BHMT: variants seen among roughly 807,000 people sequenced by gnomAD.
BHMT encodes betaine--homocysteine S-methyltransferase.
Under a neutral mutation model 49.5 loss-of-function variants are expected in BHMT, and 38 were observed. The ratio of observed to expected loss-of-function variants is 0.77; its 90% CI spans 0.59 to 1.01. The LOEUF (loss-of-function observed/expected upper bound fraction) is 1.01, where lower values mean the gene tolerates loss of function less well. Ranked by LOEUF, BHMT falls within the 50% of genes least tolerant of loss-of-function variation. The pLI, the probability that BHMT is intolerant of heterozygous loss-of-function variation, is 0.00. For missense variants in BHMT, 426 were observed against 495.7 expected, an observed-to-expected ratio of 0.86 and a Z score of 1.34; for synonymous variants, 166 against 176.3, an observed-to-expected ratio of 0.94 and a Z score of 0.46.
intron 5 of BHMT, among the ~76,000 whole-genome samples, chr5:79,124,586 C>T (rs867898033): frequency 7.2e-5 from 11 of 152,044 alleles, no homozygotes; most frequent in African/African-American, 2.4e-4. Context: ...CTTCCAAAAT[C>T]ATGTCTAGTG....
At chr5:79,122,133 G>A (rs57444763) in intron 5 of BHMT, among the ~76,000 whole-genome samples, 50,617 of 151,580 alleles carry the variant, frequency 0.33, 8,772 homozygotes, top group East Asian at 0.42. Flanking sequence ...TAGTAGAGAC[G>A]GGGTTTCACT....
intron 5 of BHMT, 148 bp downstream of exon 5, chr5:79,121,513 A>C (rs1580271687): frequency 8.0e-7 from 1 of 1,243,936 alleles, no homozygotes; most frequent in African/African-American, 1.5e-5. Context: ...ATTGAATCCC[A>C]GAGGAAAAGT....
intron 1 of BHMT, among the ~76,000 whole-genome samples, chr5:79,113,816 GATC>G (rs1756344193): frequency 6.6e-6 from 1 of 152,040 alleles, no homozygotes; most frequent in African/African-American, 2.4e-5. Context: ...GAATGTAAGA[GATC>G]ATATTTCCAG....
At chr5:79,123,815 G>A (rs1488696673) in intron 5 of BHMT, among the ~76,000 whole-genome samples, 1 of 152,102 alleles carries the variant, frequency 6.6e-6, no homozygotes, top group Non-Finnish European at 1.5e-5. Context: ...GCCTCGCAAA[G>A]TGCTAAGATT....
chr5:79,126,054 A>G lies in BHMT; in HGVS notation c.634A>G (p.Ile212Val). ...AVRLVKAGAS[I>V]IGVNCHFDPT... The stretch of plus-strand genomic sequence containing the variant: ...GTTCTTCCCACTCACAGGAGCATCC[A>G]TCATTGGTGTGAACTGCCACTTTGA... Residue 212 changes from isoleucine (I) to valine (V), a missense_variant, in exon 6 of 8, where the codon ATC becomes GTC. Ile to Val is a conservative substitution (Grantham distance 29, BLOSUM62 3). Around this residue, in one of 3 missense-constraint regions of BHMT, gnomAD observed 321 missense variants for 355.9 expected, o/e 0.90. Coordinates refer to ENST00000274353, the MANE Select transcript of BHMT (RefSeq NM_001713.3). 6.3e-7 allele frequency: 1 copy of G among 1,598,924 alleles called. No individual in the cohort carries two copies. Among genetic ancestry groups the G allele is most frequent in the African/African-American group, 1.3e-5 (1 of 74,816 alleles).
rs1243910724 is a variant in BHMT, at chr5:79,119,233, A to T, written c.167-26A>T. 7.2e-6 allele frequency: 11 copies of T among 1,534,676 alleles called. No individual in the cohort carries two copies. The South Asian group carries it at 1.3e-4, about 18-fold the overall frequency. On this transcript the variant is annotated intron_variant, in intron 2 of 7. Coordinates refer to ENST00000274353, the MANE Select transcript of BHMT (RefSeq NM_001713.3). ...TATCGTGTGTTAATAAACAGAAATT[A>T]TACCTTTCCTCATTCACTCTCCCAG...
rs766168363 is a variant in BHMT at position 79,126,094 on chromosome 5, T to G, written c.674T>G (p.Leu225Ter). ...VNCHFDPTIS[L>*]KTVKLMKEGL... ...TGCCACTTTGACCCCACCATTAGTT[T>G]AAAAACAGTGAAGCTCATGAAGGAG... is the stretch of plus-strand genomic sequence containing the variant. The change falls in exon 6 of 8, where the codon TTA becomes TGA. Residue 225 changes from leucine to a stop codon, truncating the protein, a stop_gained. Coordinates refer to ENST00000274353, the MANE Select transcript of BHMT (RefSeq NM_001713.3). LOFTEE classifies it high-confidence loss of function. The G allele has an allele frequency of 3.7e-6, 6 of 1,612,562 alleles. No individual in the cohort carries two copies. The highest frequency in any genetic ancestry group is 5.1e-6 in the Non-Finnish European group (6 of 1,178,842).
intron 2 of BHMT, among the ~76,000 whole-genome samples, chr5:79,118,469 A>AAAACAAACAAACAAAC (rs199901742): frequency 6.6e-6 from 1 of 152,022 alleles, no homozygotes; most frequent in African/African-American, 2.4e-5. Flanking sequence ...TCCATCTCAA[A>AAAACAAACAAACAAAC]AAACAAACAA....
rs1291536082 is a variant in BHMT, at chr5:79,131,006, G to GTGTCA, written c.1111_1112insTGTCA (p.Asp371ValfsTer7). ...ATACAACCCTTCAATGTCAAAGCCA[G>GTGTCA]ATGGCTGGGGAGTGACCAAAGGAAC... On this transcript the variant is annotated frameshift_variant, in exon 8 of 8. Coordinates refer to ENST00000274353, the MANE Select transcript of BHMT (RefSeq NM_001713.3). LOFTEE classifies it high-confidence loss of function. 4.3e-6 allele frequency: 7 copies of GTGTCA among 1,614,036 alleles called. No homozygotes were observed. In the South Asian group the frequency reaches 6.6e-5, roughly 15 times the overall value.
chr5:79,123,148 C>T (rs1165612383), intron 5 of BHMT, among the ~76,000 whole-genome samples: 2 of 152,086 alleles, frequency 1.3e-5, no homozygotes, highest in Non-Finnish European at 2.9e-5. Context: ...GGAAGTTGTC[C>T]ACTAGGTTGC....
intron 5 of BHMT, among the ~76,000 whole-genome samples, chr5:79,124,839 G>C (rs528768172): frequency 2.0e-5 from 3 of 152,306 alleles, no homozygotes; most frequent in Non-Finnish European, 2.9e-5. Flanking sequence ...ACATTGAGTA[G>C]CTGAAGTCAA....
intron 1 of BHMT, among the ~76,000 whole-genome samples, chr5:79,112,277 C>T (rs1756314008): frequency 6.6e-6 from 1 of 152,234 alleles, no homozygotes; most frequent in Non-Finnish European, 1.5e-5. Flanking sequence ...CCCCAGAACT[C>T]CGAGCCTTCC....
chr5:79,123,097 G>C (rs1268671604), intron 5 of BHMT, among the ~76,000 whole-genome samples: 9 of 152,194 alleles, frequency 5.9e-5, no homozygotes, highest in African/African-American at 1.2e-4. Flanking sequence ...CAGTGTGTGG[G>C]AAGTTGCAGA....
In BHMT at chr5:79,128,055, G is replaced by T. The variant is rs577539024; in HGVS notation, c.1037+72G>T. On this transcript the variant is annotated intron_variant, in intron 7 of 7. Coordinates refer to ENST00000274353, the MANE Select transcript of BHMT (RefSeq NM_001713.3). ...TTCAAGTGAGGCCATTTAGAAGACT[G>T]CAGCAAATTTGTTGTGTGATGATGA... is the stretch of plus-strand genomic sequence containing the variant. 7 of 1,507,032 alleles carry T rather than the reference G, an allele frequency of 4.6e-6. 1 individual carries two copies. The South Asian group carries it at 8.9e-5, about 19-fold the overall frequency. 93.4% of individuals were successfully genotyped at this position (1,507,032 alleles called of 1,614,324 possible). A position where few individuals can be genotyped will look rare whatever the true frequency, so the allele number is the denominator to read the frequency against.
chr5:79,125,892 G>A (rs1366556531), intron 5 of BHMT, among the ~76,000 whole-genome samples, 154 bp from the exon 6 acceptor site: 1 of 152,098 alleles, frequency 6.6e-6, no homozygotes, highest in Non-Finnish European at 1.5e-5. Flanking sequence ...GCAGTGAGCT[G>A]AGATCACGCT....
chr5:79,116,045 A>T (rs1373388393), intron 2 of BHMT, 146 bp downstream of exon 2: 1 of 1,026,916 alleles, frequency 9.7e-7, no homozygotes, highest in Admixed American at 3.8e-5. Flanking sequence ...AGGGAGACCT[A>T]GTCTCTCAGA....
intron 7 of BHMT, 84 bp downstream of exon 7, chr5:79,128,067 T>G: frequency 6.8e-7 from 1 of 1,467,812 alleles, no homozygotes; most frequent in Non-Finnish European, 9.2e-7. Context: ...AGCAAATTTG[T>G]TGTGTGATGA....
At chr5:79,115,935 G>A (rs1490744607) in intron 2 of BHMT, 36 bp downstream of exon 2, 2 of 1,572,622 alleles carry the variant, frequency 1.3e-6, no homozygotes, top group East Asian at 2.3e-5. Flanking sequence ...TCTCATAAAG[G>A]AGCCGGGTGT....
intron 4 of BHMT, among the ~76,000 whole-genome samples, chr5:79,120,891 A>G (rs1471415365): frequency 1.3e-5 from 2 of 152,132 alleles, no homozygotes; most frequent in South Asian, 2.1e-4. Context: ...GGTGGCTCAC[A>G]CCTGTAATCC....
Sources: gnomAD v4.1 joint callset for allele counts (sites outside exome capture counted in the v4.1 genomes callset) on GRCh38, gnomAD v4.1.1 for gene constraint, gnomAD v4.1.1 regional missense constraint, MANE v1.5 for transcripts, NCBI Gene and HGNC (gene_info 2026-07-23, HGNC 2026-07-21) for gene names.